Variants in KAZN observed in about 807,000 individuals in gnomAD.
KAZN encodes the protein kazrin, periplakin interacting protein.
In KAZN, 40 loss-of-function variants were observed where a neutral mutation model predicts 87.4. The observed-to-expected ratio is 0.46, with a 90% confidence interval of 0.36 to 0.60. KAZN has a LOEUF of 0.60. Ranked by LOEUF, KAZN falls within the 20% of genes least tolerant of loss-of-function variation. KAZN has a pLI of 0.00. For missense variants in KAZN, 898 were observed against 1,073.9 expected (o/e 0.84, Z 2.29); for synonymous variants, 466 against 458.3 (o/e 1.02, Z -0.22).
At chr1:14,640,683 C>A (rs1017116553) in intron 1 of KAZN, among the ~76,000 whole-genome samples, 1 of 152,214 alleles carries the variant, frequency 6.6e-6, no homozygotes, top group Non-Finnish European at 1.5e-5. Flanking sequence ...CTAGAAGGTG[C>A]AACCTGGGCT....
intron 1 of KAZN, among the ~76,000 whole-genome samples, chr1:13,933,395 CGGA>C (rs1012612348): frequency 3.3e-5 from 5 of 151,986 alleles, no homozygotes; most frequent in African/African-American, 7.3e-5. Context: ...GGGAGGCTGA[CGGA>C]GGAGAATTGC....
At chr1:14,362,472 T>G (rs1659603179) in intron 2 of KAZN, among the ~76,000 whole-genome samples, 2 of 152,162 alleles carry the variant, frequency 1.3e-5, no homozygotes, top group Non-Finnish European at 2.9e-5. Flanking sequence ...TTCACTATAT[T>G]TTGTTAGTAG....
At chr1:14,785,450 A>T (rs543692687) in intron 1 of KAZN, among the ~76,000 whole-genome samples, 1 of 152,208 alleles carries the variant, frequency 6.6e-6, no homozygotes, top group East Asian at 1.9e-4. Flanking sequence ...TACCCTGTGG[A>T]CAGAATGGAT....
intron 1 of KAZN, among the ~76,000 whole-genome samples, chr1:14,833,292 C>G (rs11587865): frequency 0.038 from 5,721 of 151,962 alleles, 353 homozygotes; most frequent in African/African-American, 0.13. Flanking sequence ...CATGCCCCCC[C>G]ACTGTCTTGG....
intron 2 of KAZN, among the ~76,000 whole-genome samples, chr1:14,553,320 C>T (rs1571919991): frequency 6.6e-6 from 1 of 152,270 alleles, no homozygotes; most frequent in East Asian, 1.9e-4. Flanking sequence ...AAGATCGCGC[C>T]ACTGCACTCC....
intron 2 of KAZN, among the ~76,000 whole-genome samples, chr1:14,222,510 T>C (rs543244639): frequency 6.6e-6 from 1 of 152,230 alleles, no homozygotes; most frequent in South Asian, 2.1e-4. Context: ...GGAGTGGCTG[T>C]AATTTATGGT....
chr1:14,012,637 T>G (rs72875208), intron 1 of KAZN, among the ~76,000 whole-genome samples: 5 of 152,120 alleles, frequency 3.3e-5, no homozygotes, highest in Non-Finnish European at 7.4e-5. Context: ...AAACTTCATC[T>G]CTACTACAAA....
At chr1:14,886,211 C>T (rs933655331) in intron 1 of KAZN, among the ~76,000 whole-genome samples, 1 of 151,946 alleles carries the variant, frequency 6.6e-6, no homozygotes. Context: ...CACTTGAGGC[C>T]AGGAGTTCGG....
At chr1:14,120,179 C>T (rs1644720252) in intron 1 of KAZN, among the ~76,000 whole-genome samples, 1 of 152,140 alleles carries the variant, frequency 6.6e-6, no homozygotes, top group Admixed American at 6.5e-5. Context: ...ATGATGCTGG[C>T]ATCTGCTTGG....
At chr1:15,033,790 G>A (rs531168211) in intron 2 of KAZN, among the ~76,000 whole-genome samples, 17 of 152,314 alleles carry the variant, frequency 1.1e-4, no homozygotes, top group African/African-American at 4.1e-4. Context: ...CCAGGCTGGA[G>A]TGCAGTGGTG....
intron 1 of KAZN, among the ~76,000 whole-genome samples, chr1:14,046,977 C>T (rs1195051884): frequency 6.6e-6 from 1 of 152,148 alleles, no homozygotes; most frequent in East Asian, 1.9e-4. Flanking sequence ...GCCTGGGGCA[C>T]CTTATGAGCC....
chr1:14,125,137 G>C (rs765065571), intron 1 of KAZN, among the ~76,000 whole-genome samples: 1 of 152,098 alleles, frequency 6.6e-6, no homozygotes, highest in Admixed American at 6.5e-5. Context: ...TGACATTTGG[G>C]GCTGGATAAT....
chr1:14,971,666 T>A (rs1186815462), intron 2 of KAZN, among the ~76,000 whole-genome samples: 1 of 147,762 alleles, frequency 6.8e-6, no homozygotes. Context: ...GAGTTGTTTT[T>A]TTTTTTTTCT....
intron 8 of KAZN, chr1:15,067,391 G>T (rs971316875): frequency 4.1e-6 from 4 of 985,378 alleles, no homozygotes; most frequent in Non-Finnish European, 4.8e-6. Context: ...CCCCAAAGAG[G>T]CTTCACCAGC....
chr1:14,693,528 G>A (rs1641436927), intron 1 of KAZN, among the ~76,000 whole-genome samples: 1 of 152,146 alleles, frequency 6.6e-6, no homozygotes, highest in African/African-American at 2.4e-5. Flanking sequence ...AGAGTCATGG[G>A]GTGGGACTGC....
intron 2 of KAZN, among the ~76,000 whole-genome samples, chr1:14,261,074 G>A (rs138551091): frequency 2.6e-5 from 4 of 152,294 alleles, no homozygotes; most frequent in South Asian, 2.1e-4. Context: ...AAGTTAAGAC[G>A]GCAACTATTT....
chr1:15,025,089 A>G (rs141747477), intron 2 of KAZN, among the ~76,000 whole-genome samples: 2 of 152,310 alleles, frequency 1.3e-5, no homozygotes, highest in African/African-American at 4.8e-5. Context: ...AGCACTTACT[A>G]TGTGCCAGGC....
chr1:15,112,740 C>CA, intron 14 of KAZN, 199 bp downstream of exon 14: 1 of 529,016 alleles, frequency 1.9e-6, no homozygotes. Context: ...GCACAAAGCC[C>CA]CCGCAGGGCT....
intron 1 of KAZN, among the ~76,000 whole-genome samples, chr1:14,659,047 G>A (rs1325018873): frequency 6.6e-6 from 1 of 152,086 alleles, no homozygotes; most frequent in African/African-American, 2.4e-5. Flanking sequence ...AGACCAGCCT[G>A]GCCAACATGG....
Sources: gnomAD v4.1 joint callset for allele counts (sites outside exome capture counted in the v4.1 genomes callset) on GRCh38, gnomAD v4.1.1 for gene constraint, MANE v1.5 for transcripts, NCBI Gene and HGNC (gene_info 2026-07-23, HGNC 2026-07-21) for gene names.